ANO6: variants seen among roughly 807,000 people sequenced by gnomAD.
ANO6 encodes the protein anoctamin-6.
In ANO6, 106 loss-of-function variants were observed where a neutral mutation model predicts 117.5. The observed-to-expected ratio is 0.90, with a 90% confidence interval of 0.77 to 1.06. The LOEUF is 1.06. ANO6 is among the 50% of genes least tolerant of loss of function. The pLI is 0.00. For missense variants in ANO6, 955 were observed against 1,121.1 expected, an observed-to-expected ratio of 0.85 and a Z score of 2.12; for synonymous variants, 367 against 385.1, an observed-to-expected ratio of 0.95 and a Z score of 0.55.
intron 1 of ANO6, among the ~76,000 whole-genome samples, chr12:45,299,142 C>T (rs1170104954): frequency 6.6e-6 from 1 of 152,158 alleles, no homozygotes; most frequent in African/African-American, 2.4e-5. Flanking sequence ...GCAAGCTGCC[C>T]AGCACTAACT....
At chr12:45,254,159 C>T (rs538556263) in intron 1 of ANO6, among the ~76,000 whole-genome samples, 1 of 152,186 alleles carries the variant, frequency 6.6e-6, no homozygotes, top group African/African-American at 2.4e-5. Flanking sequence ...GAGCAAGACT[C>T]CGTCTCAAAA....
At chr12:45,248,809 T>G (rs1947862020) in intron 1 of ANO6, among the ~76,000 whole-genome samples, 1 of 152,212 alleles carries the variant, frequency 6.6e-6, no homozygotes, top group African/African-American at 2.4e-5. Context: ...TAACAAAGGG[T>G]TGTGCTACTA....
Position 45,258,202 on chromosome 12 carries a change from T to C in ANO6, c.70+41811T>C, listed in dbSNP as rs148380022. Among the ~76,000 whole-genome samples the C allele has an allele frequency of 1.1e-3, 164 of 152,336 alleles. 1 individual carries two copies. Among genetic ancestry groups the C allele is most frequent in the African/African-American group, 3.6e-3 (151 of 41,564 alleles). On this transcript the variant is annotated intron_variant, in intron 1 of 19. Transcript: ENST00000320560. Reference sequence around the variant, plus strand: ...AATAATTGTGAATTACTAAGAATTATTTTGAGGATAATGCATGTAGTGTAT... The same window carrying C: ...AATAATTGTGAATTACTAAGAATTACTTTGAGGATAATGCATGTAGTGTAT...
rs758435453 is a variant in ANO6 at position 45,429,264 on chromosome 12, C to A, written c.2686C>A (p.Arg896=). Reference sequence around the variant, plus strand: ...GAAAAATATGGGGGTGATAGCTGAGCGGATGATAGAAGCAGTAGATAACAA... The same window carrying A: ...GAAAAATATGGGGGTGATAGCTGAGAGGATGATAGAAGCAGTAGATAACAA... ...MTKNMGVIAE[R]MIEAVDNNLR... The change falls in exon 20 of 20, where the codon CGG becomes AGG. Residue 896 remains arginine (R), a synonymous_variant. Coordinates refer to ENST00000320560, the MANE Select transcript of ANO6 (RefSeq NM_001025356.3). The A allele has an allele frequency of 5.0e-6, 8 of 1,613,672 alleles. No individual in the cohort carries two copies. Among genetic ancestry groups the A allele is most frequent in the Non-Finnish European group, 6.8e-6 (8 of 1,179,860 alleles).
chr12:45,262,960 T>C (rs1450919200), intron 1 of ANO6, among the ~76,000 whole-genome samples: 1 of 152,094 alleles, frequency 6.6e-6, no homozygotes, highest in African/African-American at 2.4e-5. Flanking sequence ...AGTAGGCAGG[T>C]TGAGTCCTGT....
chr12:45,398,699 G>A (rs550104497), intron 12 of ANO6, among the ~76,000 whole-genome samples: 2 of 152,220 alleles, frequency 1.3e-5, no homozygotes, highest in Admixed American at 6.5e-5. Flanking sequence ...CGATGAGAAA[G>A]TATGGTCATG....
chr12:45,419,198 G>A (rs1355417266), intron 17 of ANO6, among the ~76,000 whole-genome samples: 1 of 152,194 alleles, frequency 6.6e-6, no homozygotes, highest in African/African-American at 2.4e-5. Flanking sequence ...AAAACTGTGT[G>A]CAGAACAGCA....
At chr12:45,362,629 C>G (rs1593014557) in intron 8 of ANO6, among the ~76,000 whole-genome samples, 1 of 151,782 alleles carries the variant, frequency 6.6e-6, no homozygotes, top group African/African-American at 2.4e-5. Flanking sequence ...TTCATTACTA[C>G]TTTTTTTGTG....
chr12:45,298,983 TA>T (rs1194086669), intron 1 of ANO6, among the ~76,000 whole-genome samples: 1,882 of 145,592 alleles, frequency 0.013, 12 homozygotes, highest in Non-Finnish European at 0.02. Flanking sequence ...AATACTGGTG[TA>T]AAAAAAAAAA....
At chr12:45,301,669 G>C (rs552415653) in intron 1 of ANO6, among the ~76,000 whole-genome samples, 54 of 151,306 alleles carry the variant, frequency 3.6e-4, no homozygotes, top group African/African-American at 1.0e-3. Flanking sequence ...GGACTTCACA[G>C]CAGTACCCTG....
At chr12:45,436,965 C>CA (rs918232194), downstream of ANO6, among the ~76,000 whole-genome samples, 145 of 150,602 alleles carry the variant, frequency 9.6e-4, no homozygotes, top group African/African-American at 2.1e-3. Context: ...AAACTCTGTC[C>CA]AAAAAAAAAG....
chr12:45,386,375 C>G (rs1593048132), intron 10 of ANO6, among the ~76,000 whole-genome samples: 2 of 152,222 alleles, frequency 1.3e-5, no homozygotes, highest in East Asian at 3.8e-4. Context: ...TGATCATAAC[C>G]AAACCAGGTG....
At position 45,270,438 on chromosome 12, in the gene ANO6, T is replaced by C. The variant is rs1304306711; in HGVS notation, c.71-31576T>C. 7.2e-6 allele frequency: 11 copies of C among 1,523,364 alleles called. No individual in the cohort carries two copies. In the South Asian group the frequency reaches 1.3e-4, roughly 19 times the overall value. The allele number at this position is 1,523,364 out of a possible 1,614,324, so 94.4% of individuals were successfully genotyped here. A position where few individuals can be genotyped will look rare whatever the true frequency, so the allele number is the denominator to read the frequency against. On this transcript the variant is annotated intron_variant, in intron 1 of 19. Transcript: ENST00000320560. ...ATCCCTTATATTGGCCTGTTGTATTTATTGATGCCTCCTCATCCTTCAGGT... is the reference window on the plus strand; with the variant it reads ...ATCCCTTATATTGGCCTGTTGTATTCATTGATGCCTCCTCATCCTTCAGGT...
At position 45,390,497 on chromosome 12, in the gene ANO6, G is replaced by A; in HGVS notation, c.1385G>A (p.Trp462Ter). Reference sequence around the variant, plus strand: ...CTCTGTGCCAGTGCTGTCTTTTTCTGGGTAATTCTATCACAAAAATGTTTT... The same window carrying A: ...CTCTGTGCCAGTGCTGTCTTTTTCTAGGTAATTCTATCACAAAAATGTTTT... ...ITLCASAVFF[W>*]ILLIIASVIG... Residue 462 changes from tryptophan to a stop codon, truncating the protein, a stop_gained and splice_region_variant, in exon 12 of 20, where the codon TGG becomes TAG. Transcript: ENST00000320560. LOFTEE classifies it high-confidence loss of function. 1.2e-6 allele frequency: 2 copies of A among 1,612,812 alleles called. No homozygotes were observed. The highest frequency in any genetic ancestry group is 1.7e-5 in the Admixed American group (1 of 59,990).
At chr12:45,377,903 T>C (rs1312888783) in intron 9 of ANO6, 150 bp from the exon 10 acceptor site, 23 of 759,772 alleles carry the variant, frequency 3.0e-5, no homozygotes, top group Non-Finnish European at 4.3e-5. Context: ...AGTGGATACA[T>C]TGAATGATGT....
At chr12:45,423,955 C>T (rs889436068) in intron 19 of ANO6, among the ~76,000 whole-genome samples, 5 of 151,926 alleles carry the variant, frequency 3.3e-5, no homozygotes, top group Non-Finnish European at 4.4e-5. Context: ...TTCATTTGCT[C>T]TGAATAAAAC....
At chr12:45,372,050 A>G (rs1189332524) in intron 9 of ANO6, among the ~76,000 whole-genome samples, 1 of 152,098 alleles carries the variant, frequency 6.6e-6, no homozygotes, top group African/African-American at 2.4e-5. Context: ...AGGCTCGAGA[A>G]CTACGTGAAG....
intron 3 of ANO6, among the ~76,000 whole-genome samples, chr12:45,332,719 T>C (rs1940708592): frequency 6.6e-6 from 1 of 152,042 alleles, no homozygotes; most frequent in African/African-American, 2.4e-5. Context: ...TTTGCAGTTA[T>C]CAAGAAACCC....
rs548601027 is a variant in ANO6 at position 45,432,285 on chromosome 12, T to C, written c.*2974T>C. On this transcript the variant is annotated 3_prime_UTR_variant, in exon 20 of 20. Transcript: ENST00000320560. ...ATTCTTTTATAATTATTAATGTTAA[T>C]TTCTGTGCATTTTAATATTCTTTTA... 1.0e-4 allele frequency: 95 copies of C among 926,936 alleles called. 1 individual carries two copies. In the African/African-American group the frequency reaches 1.7e-3, roughly 16 times the overall value. The allele number at this position is 926,936 out of a possible 1,614,324, so 57.4% of individuals were successfully genotyped here.
Sources: gnomAD v4.1 joint callset for allele counts (sites outside exome capture counted in the v4.1 genomes callset) on GRCh38, gnomAD v4.1.1 for gene constraint, MANE v1.5 for transcripts, NCBI Gene and HGNC (gene_info 2026-07-23, HGNC 2026-07-21) for gene names.